NDFIP2: variants seen among roughly 807,000 people sequenced by gnomAD.
NDFIP2 encodes the protein Nedd4 family interacting protein 2.
Under a neutral mutation model 36.0 loss-of-function variants are expected in NDFIP2, and 19 were observed. That is an observed-to-expected ratio of 0.53 (90% CI 0.37 to 0.77). NDFIP2 has a LOEUF of 0.77. NDFIP2 is among the 30% of genes least tolerant of loss of function. NDFIP2 has a pLI of 0.00. For synonymous variants in NDFIP2, 181 were observed against 167.7 expected (o/e 1.08, Z -0.61); for missense variants, 446 against 435.8 (o/e 1.02, Z -0.21).
intron 3 of NDFIP2, among the ~76,000 whole-genome samples, chr13:79,535,966 G>T (rs1167771165): frequency 1.3e-5 from 2 of 152,180 alleles, no homozygotes; most frequent in Non-Finnish European, 2.9e-5. Flanking sequence ...ACATTCAGTT[G>T]TAAATGAGTC....
intron 1 of NDFIP2, among the ~76,000 whole-genome samples, chr13:79,513,857 T>C (rs760984337): frequency 6.6e-6 from 1 of 152,166 alleles, no homozygotes; most frequent in East Asian, 1.9e-4. Context: ...GTAAGGTAAA[T>C]AGAATTTTGA....
intron 1 of NDFIP2, among the ~76,000 whole-genome samples, 172 bp downstream of exon 1, chr13:79,481,696 T>G (rs1042105070): frequency 6.6e-6 from 1 of 152,074 alleles, no homozygotes; most frequent in Non-Finnish European, 1.5e-5. Flanking sequence ...ACCTGCGCAC[T>G]CCTGCCTAGG....
At chr13:79,521,593 A>G (rs1039641356) in intron 2 of NDFIP2, among the ~76,000 whole-genome samples, 3 of 152,194 alleles carry the variant, frequency 2.0e-5, no homozygotes, top group African/African-American at 7.2e-5. Flanking sequence ...AACAGAAAAA[A>G]TTTTTCACTA....
At position 79,523,239 on chromosome 13, in the gene NDFIP2, A is replaced by C. The variant is rs191743479; in HGVS notation, c.487+2264A>C. Among the ~76,000 whole-genome samples the C allele has an allele frequency of 2.2e-3, 335 of 152,218 alleles. 1 individual carries two copies. The highest frequency in any genetic ancestry group is 7.5e-3 in the African/African-American group (311 of 41,548). On this transcript the variant is annotated intron_variant, in intron 2 of 7. Coordinates refer to ENST00000218652, the MANE Select transcript of NDFIP2 (RefSeq NM_019080.3). ...GTTTGTTTTTGTTTTTGTTTTTTTAAGATGGAGTTTCATTCTTGTTGCCCA... is the reference window on the plus strand; with the variant it reads ...GTTTGTTTTTGTTTTTGTTTTTTTACGATGGAGTTTCATTCTTGTTGCCCA...
At chr13:79,546,112 C>T (rs539000027) in intron 5 of NDFIP2, among the ~76,000 whole-genome samples, 1 of 152,198 alleles carries the variant, frequency 6.6e-6, no homozygotes, top group Non-Finnish European at 1.5e-5. Flanking sequence ...GCCTCTGTTA[C>T]ACTGTACTTT....
chr13:79,525,628 G>A (rs1035804561), intron 2 of NDFIP2, among the ~76,000 whole-genome samples: 2 of 152,166 alleles, frequency 1.3e-5, no homozygotes, highest in African/African-American at 2.4e-5. Context: ...ACTGACGGGT[G>A]GGTAGTGTTG....
intron 1 of NDFIP2, among the ~76,000 whole-genome samples, chr13:79,498,717 T>G (rs1173698764): frequency 6.6e-6 from 1 of 152,036 alleles, no homozygotes; most frequent in African/African-American, 2.4e-5. Context: ...AATCCATTTA[T>G]GAGGACAGAG....
chr13:79,482,169 CTTTTTTTTTTTTTTTT>C (rs10558361), intron 1 of NDFIP2, among the ~76,000 whole-genome samples: 2 of 75,886 alleles, frequency 2.6e-5, no homozygotes, highest in Non-Finnish European at 5.0e-5. Context: ...TTCTTTCTTT[CTTTTTTTTTTTTTTTT>C]TTTTTTTTTT....
chr13:79,545,156 G>A (rs1022277379), intron 5 of NDFIP2, among the ~76,000 whole-genome samples: 3 of 151,864 alleles, frequency 2.0e-5, no homozygotes, highest in African/African-American at 7.3e-5. Context: ...TATTCAAATG[G>A]GATTTCTCAT....
chr13:79,549,727 G>C (rs926739571), intron 6 of NDFIP2, among the ~76,000 whole-genome samples: 1 of 151,794 alleles, frequency 6.6e-6, no homozygotes, highest in Non-Finnish European at 1.5e-5. Flanking sequence ...GACAAAGGAA[G>C]GGATCCCACA....
chr13:79,519,271 T>C (rs2137084029), intron 1 of NDFIP2: 1 of 152,354 alleles, frequency 6.6e-6, no homozygotes, highest in Non-Finnish European at 1.5e-5. Context: ...AATTAAATAA[T>C]ATGGAAAACT....
intron 6 of NDFIP2, among the ~76,000 whole-genome samples, chr13:79,548,836 G>A (rs752074918): frequency 3.3e-5 from 5 of 151,968 alleles, no homozygotes; most frequent in Non-Finnish European, 1.5e-5. Flanking sequence ...CCAGGCATAA[G>A]GAAAGGCTTT....
At chr13:79,500,553 G>A (rs1203833966) in intron 1 of NDFIP2, among the ~76,000 whole-genome samples, 2 of 151,802 alleles carry the variant, frequency 1.3e-5, no homozygotes, top group Admixed American at 1.3e-4. Flanking sequence ...TATACAGATG[G>A]CAAGTAAGCA....
At chr13:79,500,488 A>G (rs918446967) in intron 1 of NDFIP2, among the ~76,000 whole-genome samples, 14 of 152,040 alleles carry the variant, frequency 9.2e-5, no homozygotes, top group Non-Finnish European at 1.9e-4. Context: ...GAATTCTCAA[A>G]CTACAACCCT....
intron 1 of NDFIP2, among the ~76,000 whole-genome samples, chr13:79,520,041 T>C (rs1305735008): frequency 1.3e-5 from 2 of 152,206 alleles, no homozygotes; most frequent in East Asian, 3.9e-4. Context: ...CCTCAAGTGA[T>C]CCACCCACCT....
At chr13:79,538,481 T>C (rs574457700) in intron 3 of NDFIP2, among the ~76,000 whole-genome samples, 1 of 152,214 alleles carries the variant, frequency 6.6e-6, no homozygotes, top group South Asian at 2.1e-4. Context: ...ACTATAGGCA[T>C]TGGGTAAATA....
intron 1 of NDFIP2, 38 bp from the exon 2 acceptor site, chr13:79,520,772 C>T (rs774470744): frequency 1.2e-5 from 18 of 1,532,202 alleles, no homozygotes; most frequent in Non-Finnish European, 1.6e-5. Flanking sequence ...AAATAATTAG[C>T]ATTACATTAA....
chr13:79,537,408 G>T (rs1030467067), intron 3 of NDFIP2, among the ~76,000 whole-genome samples: 1 of 152,124 alleles, frequency 6.6e-6, no homozygotes, highest in African/African-American at 2.4e-5. Context: ...ACTGTACCTG[G>T]CCTGGACTGA....
intron 1 of NDFIP2, among the ~76,000 whole-genome samples, chr13:79,497,484 T>C (rs7491258): frequency 0.11 from 16,619 of 151,868 alleles, 2,301 homozygotes; most frequent in African/African-American, 0.32. Context: ...TTCAGCTTCC[T>C]GCTACATCCC....
Sources: allele counts gnomAD v4.1 joint callset (sites outside exome capture counted in the v4.1 genomes callset), GRCh38; gene constraint gnomAD v4.1.1; transcripts MANE v1.5; gene names NCBI Gene and HGNC (gene_info 2026-07-23, HGNC 2026-07-21).